Variants in DCDC1 observed in about 807,000 individuals in gnomAD.
The protein encoded by DCDC1 is doublecortin domain containing 1, also known as doublecortin domain-containing protein 1.
In DCDC1, 200 loss-of-function variants were observed where a neutral mutation model predicts 178.3. That is an observed-to-expected ratio of 1.12 (90% CI 1.00 to 1.26). The LOEUF (loss-of-function observed/expected upper bound fraction) is 1.26, where lower values mean the gene tolerates loss of function less well. Among genes scored for constraint, DCDC1 ranks in the 50% most tolerant of loss-of-function variants. The probability of loss-of-function intolerance (pLI) is 0.00; values close to 1 mark genes in which losing one functional copy is unlikely to be tolerated. For missense variants in DCDC1, 1,983 were observed against 1,749.2 expected, an observed-to-expected ratio of 1.13 and a Z score of -2.38; for synonymous variants, 690 against 604.8, an observed-to-expected ratio of 1.14 and a Z score of -2.07.
intron 34 of DCDC1, among the ~76,000 whole-genome samples, chr11:30,897,434 A>C (rs957922220): frequency 2.0e-5 from 3 of 151,990 alleles, no homozygotes; most frequent in Non-Finnish European, 4.4e-5. Flanking sequence ...TAAAAGTATG[A>C]AAAAATTAGC....
At chr11:31,076,692 C>G (rs945136960) in intron 18 of DCDC1, among the ~76,000 whole-genome samples, 7 of 152,082 alleles carry the variant, frequency 4.6e-5, no homozygotes, top group Non-Finnish European at 1.0e-4. Flanking sequence ...CTCATTAATC[C>G]TGGATTTATG....
intron 1 of DCDC1, among the ~76,000 whole-genome samples, chr11:31,369,209 G>A (rs1952139605): frequency 6.6e-6 from 1 of 152,124 alleles, no homozygotes; most frequent in South Asian, 2.1e-4. Context: ...TGTCTCACTG[G>A]GTTGAAATGA....
intron 20 of DCDC1, among the ~76,000 whole-genome samples, chr11:30,989,136 G>T (rs533089318): frequency 1.1e-4 from 17 of 152,106 alleles, no homozygotes; most frequent in African/African-American, 3.6e-4. Context: ...AAATAAGAGG[G>T]GGGGCAGTAA....
intron 13 of DCDC1, among the ~76,000 whole-genome samples, chr11:31,104,446 G>T (rs1958723035): frequency 6.6e-6 from 1 of 151,802 alleles, no homozygotes; most frequent in Non-Finnish European, 1.5e-5. Flanking sequence ...CAGAATGTGG[G>T]ACATTCTACA....
At chr11:31,302,210 CA>C (rs1193633109) in intron 6 of DCDC1, among the ~76,000 whole-genome samples, 1 of 152,162 alleles carries the variant, frequency 6.6e-6, no homozygotes, top group Non-Finnish European at 1.5e-5. Context: ...CAGGCAATCA[CA>C]GGGCACGAAC....
intron 1 of DCDC1, among the ~76,000 whole-genome samples, chr11:31,354,483 C>T (rs761241810): frequency 7.2e-5 from 11 of 152,208 alleles, no homozygotes; most frequent in South Asian, 2.1e-4. Flanking sequence ...ACTGGAAAAG[C>T]GATATCCATT....
chr11:31,318,955 T>C (rs1949226682), intron 3 of DCDC1, among the ~76,000 whole-genome samples: 1 of 37,444 alleles, frequency 2.7e-5, no homozygotes, highest in East Asian at 3.8e-4. Context: ...AGTTTCCATG[T>C]AGTTGAGCGG....
chr11:31,012,652 C>T (rs1239309194), intron 20 of DCDC1, among the ~76,000 whole-genome samples: 4 of 150,870 alleles, frequency 2.7e-5, no homozygotes. Context: ...AGAAAATCTC[C>T]ACTAACAGGA....
chr11:30,906,635 G>GT lies in DCDC1; in HGVS notation c.4008dup (p.Gln1337ThrfsTer32). The stretch of plus-strand genomic sequence containing the variant: ...AGGAATGGAACCCCTGGAAGCAATT[G>GT]TTTCAGTCCTTTCTCTGTTCTCATG... On this transcript the variant is annotated frameshift_variant, in exon 30 of 39. Coordinates refer to ENST00000684477, the MANE Select transcript of DCDC1 (RefSeq NM_001387274.1). LOFTEE classifies it high-confidence loss of function. 6.2e-7 allele frequency: 1 copy of GT among 1,613,570 alleles called. No homozygotes were observed. Among genetic ancestry groups the GT allele is most frequent in the Non-Finnish European group, 8.5e-7 (1 of 1,179,728 alleles).
At chr11:31,098,817 A>T (rs2135716611) in intron 15 of DCDC1, among the ~76,000 whole-genome samples, 1 of 152,318 alleles carries the variant, frequency 6.6e-6, no homozygotes, top group Non-Finnish European at 1.5e-5. Context: ...TAAAGGCTTC[A>T]CAGCTATGGA....
intron 7 of DCDC1, among the ~76,000 whole-genome samples, chr11:31,281,360 T>C (rs911994788): frequency 2.0e-5 from 3 of 152,128 alleles, no homozygotes; most frequent in Non-Finnish European, 2.9e-5. Flanking sequence ...CTTTCATCAT[T>C]AGGTATGTAG....
chr11:31,367,765 G>A (rs1477681888), intron 1 of DCDC1, among the ~76,000 whole-genome samples: 3 of 152,056 alleles, frequency 2.0e-5, no homozygotes, highest in South Asian at 2.1e-4. Context: ...TTGCACTTAC[G>A]GCTTACATTA....
intron 20 of DCDC1, among the ~76,000 whole-genome samples, chr11:30,953,580 T>C (rs1948565145): frequency 1.3e-5 from 2 of 152,040 alleles, no homozygotes; most frequent in South Asian, 4.1e-4. Flanking sequence ...GAAAAATATG[T>C]GAAGGGGAAT....
chr11:31,301,233 G>T (rs978913260), intron 6 of DCDC1, among the ~76,000 whole-genome samples: 1 of 152,054 alleles, frequency 6.6e-6, no homozygotes, highest in Admixed American at 6.5e-5. Flanking sequence ...AAAAGTGGAA[G>T]TTAAAATGTA....
intron 20 of DCDC1, among the ~76,000 whole-genome samples, chr11:30,993,212 T>A (rs930897562): frequency 2.0e-5 from 3 of 152,108 alleles, no homozygotes; most frequent in African/African-American, 7.2e-5. Context: ...AGTGTCAAAA[T>A]TTTTAAATAT....
intron 20 of DCDC1, among the ~76,000 whole-genome samples, chr11:30,955,370 T>G (rs1948708975): frequency 6.6e-6 from 1 of 152,216 alleles, no homozygotes; most frequent in African/African-American, 2.4e-5. Context: ...TCTCATTTAT[T>G]GAAGAGTTTA....
intron 8 of DCDC1, among the ~76,000 whole-genome samples, chr11:31,243,539 A>G (rs1977447692): frequency 6.6e-6 from 1 of 151,778 alleles, no homozygotes; most frequent in Admixed American, 6.6e-5. Context: ...TCACAAAATA[A>G]CTTTCAGATT....
At chr11:31,033,246 T>C (rs1188820370) in intron 20 of DCDC1, among the ~76,000 whole-genome samples, 1 of 152,144 alleles carries the variant, frequency 6.6e-6, no homozygotes, top group East Asian at 1.9e-4. Flanking sequence ...AAAGAAATTA[T>C]AAACAACTTA....
chr11:31,146,247 T>C (rs569534502), intron 9 of DCDC1, among the ~76,000 whole-genome samples: 3 of 151,846 alleles, frequency 2.0e-5, no homozygotes, highest in Non-Finnish European at 4.4e-5. Flanking sequence ...AATTTTTTTT[T>C]GTTTGTTTTT....
Sources: gnomAD v4.1 joint callset for allele counts (sites outside exome capture counted in the v4.1 genomes callset) on GRCh38, gnomAD v4.1.1 for gene constraint, MANE v1.5 for transcripts, NCBI Gene and HGNC (gene_info 2026-07-23, HGNC 2026-07-21) for gene names.